The following CACNA1A variants were observed in gnomAD, a reference collection of about 807,000 sequenced individuals.
CACNA1A encodes calcium voltage-gated channel subunit alpha1 A, also known as voltage-dependent P/Q-type calcium channel subunit alpha-1A.
CACNA1A carries 57 observed loss-of-function variants against 262.4 expected under a neutral mutation model. The observed-to-expected ratio is 0.22, with a 90% CI of 0.18 to 0.27. The LOEUF is 0.27. Ranked by LOEUF, CACNA1A falls within the 10% of genes least tolerant of loss-of-function variation. The pLI is 1.00. For missense variants in CACNA1A, 2,526 were observed against 3,562.8 expected (o/e 0.71, Z 7.41); for synonymous variants, 1,431 against 1,419.3 (o/e 1.01, Z -0.18).
intron 10 of CACNA1A, among the ~76,000 whole-genome samples, chr19:13,321,245 G>A (rs184524597): frequency 2.0e-5 from 3 of 151,940 alleles, no homozygotes; most frequent in Non-Finnish European, 4.4e-5. Flanking sequence ...TGTTGGTCAG[G>A]CTGGTCTCGA....
intron 3 of CACNA1A, among the ~76,000 whole-genome samples, chr19:13,414,932 G>A (rs2060195466): frequency 6.6e-6 from 1 of 151,962 alleles, no homozygotes; most frequent in African/African-American, 2.4e-5. Context: ...CTCTGCACTC[G>A]AGCCTGGGTG....
At chr19:13,219,852 C>T (rs1025432618) in intron 38 of CACNA1A, among the ~76,000 whole-genome samples, 2 of 151,376 alleles carry the variant, frequency 1.3e-5, no homozygotes, top group African/African-American at 4.9e-5. Context: ...ACTTGGGAGG[C>T]TGAGGCAGAA....
At chr19:13,475,531 TG>T (rs1978422884) in intron 1 of CACNA1A, among the ~76,000 whole-genome samples, 1 of 151,882 alleles carries the variant, frequency 6.6e-6, no homozygotes, top group African/African-American at 2.4e-5. Flanking sequence ...TTCAGGGAGG[TG>T]GGGAAAATGA....
chr19:13,398,397 C>T (rs1026230288), intron 3 of CACNA1A, among the ~76,000 whole-genome samples: 7 of 152,160 alleles, frequency 4.6e-5, no homozygotes, highest in African/African-American at 1.7e-4. Flanking sequence ...TTAATAGGAA[C>T]TTATAAACAG....
rs1431092862 is a variant in CACNA1A, at chr19:13,228,737, CGA to C, written c.5529-1212_5529-1211del. ...CTATGAGGACATTTCTTGCCTAAGC[CGA>C]GAGGGGGAGATATTACTCGTAATAA... is the stretch of plus-strand genomic sequence containing the variant. On this transcript the variant is annotated intron_variant, in intron 36 of 46. Coordinates refer to ENST00000360228, the MANE Select transcript of CACNA1A (RefSeq NM_001127222.2). 6.2e-7 allele frequency: 1 copy of C among 1,601,222 alleles called. No homozygotes were observed. Among genetic ancestry groups the C allele is most frequent in the Non-Finnish European group, 8.5e-7 (1 of 1,174,068 alleles).
intron 1 of CACNA1A, among the ~76,000 whole-genome samples, chr19:13,482,438 G>A (rs562755346): frequency 1.5e-4 from 23 of 151,440 alleles, no homozygotes; most frequent in African/African-American, 4.1e-4. Context: ...AGCCGAGATC[G>A]TGCCACTGCA....
At chr19:13,347,238 T>G (rs1473760886) in intron 6 of CACNA1A, among the ~76,000 whole-genome samples, 17 of 151,836 alleles carry the variant, frequency 1.1e-4, no homozygotes, top group Admixed American at 1.1e-3. Flanking sequence ...TTTAAATTTT[T>G]TTTTTTGTAG....
At chr19:13,266,418 A>C (rs532741161) in intron 24 of CACNA1A, among the ~76,000 whole-genome samples, 1 of 152,258 alleles carries the variant, frequency 6.6e-6, no homozygotes, top group South Asian at 2.1e-4. Context: ...TTGATAGAAA[A>C]AAAGTCAAGG....
intron 6 of CACNA1A, among the ~76,000 whole-genome samples, chr19:13,346,751 C>T (rs1343592767): frequency 2.0e-4 from 26 of 129,140 alleles, no homozygotes; most frequent in African/African-American, 3.9e-4. Context: ...ACGATCTCGG[C>T]TAACTGTAAC....
intron 37 of CACNA1A, chr19:13,225,388 C>G (rs1175428215): frequency 6.6e-6 from 1 of 152,398 alleles, no homozygotes; most frequent in Non-Finnish European, 1.5e-5. Context: ...GACGGAATCT[C>G]GAGACTCATT....
intron 3 of CACNA1A, among the ~76,000 whole-genome samples, chr19:13,417,798 G>A (rs551998474): frequency 2.0e-5 from 3 of 151,198 alleles, no homozygotes; most frequent in Non-Finnish European, 4.4e-5. Context: ...GCTGAGGCAG[G>A]AGAATCGCTT....
rs1019033790 is a variant in CACNA1A at position 13,208,251 on chromosome 19, GAGGGAGGGGAGGAGGGGGAGTGAGAC to G, written c.6781-224_6781-199del. ...GGAAAAAAGCAACAGCCACAGGGAG[GAGGGAGGGGAGGAGGGGGAGTGAGAC>G]AGGGAGGGGAGGAGTCGAAAACCAA... On this transcript the variant is annotated intron_variant, in intron 46 of 46. Coordinates refer to ENST00000360228, the MANE Select transcript of CACNA1A (RefSeq NM_001127222.2). Among the ~76,000 whole-genome samples the G allele has an allele frequency of 9.7e-5, 14 of 144,438 alleles. No individual in the cohort carries two copies. The East Asian group carries it at 1.2e-3, about 13-fold the overall frequency. 94.8% of individuals were successfully genotyped at this position (144,438 alleles called of 152,430 possible).
chr19:13,368,274 C>T (rs1036563611), intron 4 of CACNA1A, among the ~76,000 whole-genome samples: 1 of 151,800 alleles, frequency 6.6e-6, no homozygotes, highest in African/African-American at 2.4e-5. Context: ...TGTGATTGCA[C>T]CACTGCACTC....
chr19:13,439,813 G>A (rs1252300850), intron 3 of CACNA1A, among the ~76,000 whole-genome samples: 1 of 152,134 alleles, frequency 6.6e-6, no homozygotes, highest in Non-Finnish European at 1.5e-5. Context: ...CAGAAGAGGG[G>A]ATTTGGGAAA....
intron 6 of CACNA1A, among the ~76,000 whole-genome samples, chr19:13,348,758 C>T (rs1320267800): frequency 6.6e-6 from 1 of 152,142 alleles, no homozygotes; most frequent in East Asian, 1.9e-4. Context: ...ATCACTTGAA[C>T]CTGGGAGTCA....
chr19:13,437,061 G>A (rs952637659), intron 3 of CACNA1A, among the ~76,000 whole-genome samples: 11 of 152,218 alleles, frequency 7.2e-5, no homozygotes, highest in Non-Finnish European at 1.0e-4. Flanking sequence ...ACAGAGGAGG[G>A]AGCATATCTC....
chr19:13,351,197 TCA>T (rs1399463856), intron 6 of CACNA1A, among the ~76,000 whole-genome samples: 1 of 152,186 alleles, frequency 6.6e-6, no homozygotes, highest in Non-Finnish European at 1.5e-5. Flanking sequence ...CAGCCCACTC[TCA>T]AAGTAGGGGA....
At chr19:13,216,155 C>A (rs962742914) in intron 38 of CACNA1A, among the ~76,000 whole-genome samples, 2 of 152,010 alleles carry the variant, frequency 1.3e-5, no homozygotes, top group Non-Finnish European at 2.9e-5. Flanking sequence ...GCCAGTCCCT[C>A]GTCCCTCACC....
At chr19:13,262,406 G>C (rs2056754748) in intron 25 of CACNA1A, 1 of 214,952 alleles carries the variant, frequency 4.7e-6, no homozygotes, top group Non-Finnish European at 9.3e-6. Context: ...AAATTTTATG[G>C]AACAAGAAAT....
Sources: allele counts gnomAD v4.1 joint callset (sites outside exome capture counted in the v4.1 genomes callset), GRCh38; gene constraint gnomAD v4.1.1; transcripts MANE v1.5; gene names NCBI Gene and HGNC (gene_info 2026-07-23, HGNC 2026-07-21).